The following SRBD1 variants were observed in gnomAD, a reference collection of about 807,000 sequenced individuals.
SRBD1 encodes the protein S1 RNA-binding domain-containing protein 1.
Under a neutral mutation model 115.3 loss-of-function variants are expected in SRBD1, and 88 were observed. That is an observed-to-expected ratio of 0.76 (90% CI 0.64 to 0.91). The LOEUF (loss-of-function observed/expected upper bound fraction) is 0.91, where lower values mean the gene tolerates loss of function less well. SRBD1 is among the 40% of genes least tolerant of loss of function. The pLI is 0.00. For missense variants in SRBD1, 1,385 were observed against 1,177.4 expected (o/e 1.18, Z -2.58); for synonymous variants, 509 against 407.7 (o/e 1.25, Z -2.99).
intron 16 of SRBD1, among the ~76,000 whole-genome samples, chr2:45,435,150 C>T (rs963932369): frequency 4.6e-5 from 7 of 152,116 alleles, no homozygotes; most frequent in African/African-American, 1.7e-4. Context: ...ATATGTGCCA[C>T]ATTTTCTTTA....
intron 9 of SRBD1, chr2:45,568,132 G>A (rs887015307): frequency 1.2e-4 from 19 of 152,130 alleles, no homozygotes; most frequent in African/African-American, 4.3e-4. Flanking sequence ...CACCAATAAA[G>A]ATAAGGAACA....
At chr2:45,539,143 G>A (rs1213397465) in intron 14 of SRBD1, among the ~76,000 whole-genome samples, 1 of 151,326 alleles carries the variant, frequency 6.6e-6, no homozygotes, top group East Asian at 1.9e-4. Flanking sequence ...ACCAATATGA[G>A]AAATGAGCTA....
At chr2:45,470,564 G>GA (rs1669617956) in intron 16 of SRBD1, among the ~76,000 whole-genome samples, 1 of 152,146 alleles carries the variant, frequency 6.6e-6, no homozygotes, top group Non-Finnish European at 1.5e-5. Context: ...TAATGAGCAT[G>GA]AAAGTACCGA....
At chr2:45,409,159 C>A (rs955775911) in intron 19 of SRBD1, among the ~76,000 whole-genome samples, 1 of 152,026 alleles carries the variant, frequency 6.6e-6, no homozygotes, top group Non-Finnish European at 1.5e-5. Flanking sequence ...GAGGTTGAGG[C>A]TGCAGTGAGC....
At chr2:45,540,014 C>T (rs1409284591) in intron 14 of SRBD1, among the ~76,000 whole-genome samples, 1 of 151,890 alleles carries the variant, frequency 6.6e-6, no homozygotes, top group Non-Finnish European at 1.5e-5. Flanking sequence ...ATTTGAAAAA[C>T]ACAGAACTTC....
chr2:45,389,224 T>C lies in SRBD1; in HGVS notation c.*86A>G. On this transcript the variant is annotated 3_prime_UTR_variant, in exon 21 of 21. Coordinates refer to ENST00000263736, the MANE Select transcript of SRBD1 (RefSeq NM_018079.5). ...ATTAAGTGAATTATTTCTCATCTGC[T>C]ACCTAGAGTTTACAAACAACTGACT... 1 of 1,428,104 alleles carries C rather than the reference T, an allele frequency of 7.0e-7. No individual in the cohort carries two copies. Among genetic ancestry groups the C allele is most frequent in the Non-Finnish European group, 9.5e-7 (1 of 1,053,184 alleles). 88.5% of individuals were successfully genotyped at this position (1,428,104 alleles called of 1,614,324 possible).
intron 16 of SRBD1, among the ~76,000 whole-genome samples, chr2:45,442,224 C>G (rs1466254673): frequency 6.6e-6 from 1 of 152,198 alleles, no homozygotes; most frequent in Non-Finnish European, 1.5e-5. Flanking sequence ...TTACCACAGA[C>G]AGATTCTCTA....
At chr2:45,602,581 C>G (rs957157234) in intron 2 of SRBD1, among the ~76,000 whole-genome samples, 5 of 152,324 alleles carry the variant, frequency 3.3e-5, no homozygotes, top group Admixed American at 3.3e-4. Flanking sequence ...CAAGACCCTT[C>G]CAACTGCTTT....
intron 16 of SRBD1, among the ~76,000 whole-genome samples, chr2:45,442,595 G>T (rs1004686010): frequency 1.5e-4 from 23 of 152,106 alleles, no homozygotes; most frequent in African/African-American, 5.6e-4. Context: ...AGAATCCTAC[G>T]GTATAGGAAC....
chr2:45,600,705 C>A (rs76800277), intron 3 of SRBD1, among the ~76,000 whole-genome samples: 3,714 of 152,260 alleles, frequency 0.024, 71 homozygotes, highest in Non-Finnish European at 0.037. Flanking sequence ...TGAGACTTGG[C>A]ACCCATCTCG....
chr2:45,440,739 ATAAAT>A (rs1668642454), intron 16 of SRBD1, among the ~76,000 whole-genome samples: 1 of 152,206 alleles, frequency 6.6e-6, no homozygotes, highest in South Asian at 2.1e-4. Context: ...TTCCCTTCTA[ATAAAT>A]TAAAACAGTG....
At chr2:45,418,754 TG>T (rs1346400896) in intron 17 of SRBD1, among the ~76,000 whole-genome samples, 1 of 149,120 alleles carries the variant, frequency 6.7e-6, no homozygotes, top group Non-Finnish European at 1.5e-5. Context: ...AAAAAAATAA[TG>T]ACAAAACCAA....
At chr2:45,419,938 T>G in intron 16 of SRBD1, 44 bp from the exon 17 acceptor site, 1 of 1,530,658 alleles carries the variant, frequency 6.5e-7, no homozygotes, top group Non-Finnish European at 9.0e-7. Context: ...GGAGATGTAG[T>G]TCTTGGACTA....
At chr2:45,510,849 A>C (rs189967149) in intron 14 of SRBD1, among the ~76,000 whole-genome samples, 1 of 152,322 alleles carries the variant, frequency 6.6e-6, no homozygotes, top group Non-Finnish European at 1.5e-5. Context: ...TCATCTCAGC[A>C]GTTAGGTTAA....
At chr2:45,422,321 G>A (rs1024642338) in intron 16 of SRBD1, among the ~76,000 whole-genome samples, 2 of 152,096 alleles carry the variant, frequency 1.3e-5, no homozygotes, top group Admixed American at 6.5e-5. Flanking sequence ...AAGCCTGACC[G>A]TGTGTCTAGC....
rs773623718 is a variant in SRBD1 at position 45,408,999 on chromosome 2, G to A, written c.2513+4115C>T. Among the ~76,000 whole-genome samples, 3 of 152,094 alleles carry A rather than the reference G, an allele frequency of 2.0e-5. No homozygotes were observed. The East Asian group carries it at 5.8e-4, about 29-fold the overall frequency. On this transcript the variant is annotated intron_variant, in intron 19 of 20. Transcript: ENST00000263736. Reference sequence around the variant, plus strand: ...GCACTTTGGGAGGCCGAGTAGGACTGCCTGAGCGAAGGAGTTCAAGACCAG... The same window carrying A: ...GCACTTTGGGAGGCCGAGTAGGACTACCTGAGCGAAGGAGTTCAAGACCAG...
At chr2:45,431,083 A>G (rs1355593487) in intron 16 of SRBD1, among the ~76,000 whole-genome samples, 1 of 152,248 alleles carries the variant, frequency 6.6e-6, no homozygotes, top group African/African-American at 2.4e-5. Flanking sequence ...CAAAACCACA[A>G]TGAGATACAA....
At chr2:45,526,427 G>A (rs1190783227) in intron 14 of SRBD1, among the ~76,000 whole-genome samples, 3 of 151,998 alleles carry the variant, frequency 2.0e-5, no homozygotes, top group African/African-American at 7.2e-5. Context: ...AAGTAGATTA[G>A]TGGTTGCTTA....
chr2:45,491,909 C>T (rs1272209426), intron 14 of SRBD1, among the ~76,000 whole-genome samples: 2 of 152,176 alleles, frequency 1.3e-5, no homozygotes, highest in African/African-American at 4.8e-5. Flanking sequence ...ATTACCTCCG[C>T]CTCCCAGGTT....
Sources: allele counts gnomAD v4.1 joint callset (sites outside exome capture counted in the v4.1 genomes callset), GRCh38; gene constraint gnomAD v4.1.1; transcripts MANE v1.5; gene names NCBI Gene and HGNC (gene_info 2026-07-23, HGNC 2026-07-21).